KIAA1328: variants seen among roughly 807,000 people sequenced by gnomAD.
The protein encoded by KIAA1328 is protein hinderin.
KIAA1328 carries 52 observed loss-of-function variants against 68.1 expected under a neutral mutation model. That is an observed-to-expected ratio of 0.76 (90% CI 0.61 to 0.96). KIAA1328 has a LOEUF of 0.96. KIAA1328 is among the 40% of genes least tolerant of loss of function. The probability of loss-of-function intolerance (pLI) is 0.00; values close to 1 mark genes in which losing one functional copy is unlikely to be tolerated. For missense variants in KIAA1328, 641 were observed against 677.6 expected, an observed-to-expected ratio of 0.95 and a Z score of 0.60; for synonymous variants, 232 against 239.4, an observed-to-expected ratio of 0.97 and a Z score of 0.28.
chr18:36,893,184 A>T (rs1002167606), intron 5 of KIAA1328, among the ~76,000 whole-genome samples: 2 of 152,150 alleles, frequency 1.3e-5, no homozygotes, highest in African/African-American at 2.4e-5. Context: ...TCATCCAGGA[A>T]TTAAGAATAA....
chr18:36,948,256 C>CTTTTTTTTTTTTTTTT (rs1568200306), intron 5 of KIAA1328, among the ~76,000 whole-genome samples: 1 of 128,440 alleles, frequency 7.8e-6, no homozygotes, highest in Non-Finnish European at 1.7e-5. Context: ...GTTTGTTTGT[C>CTTTTTTTTTTTTTTTT]TTTTGTTTTT....
At chr18:37,100,515 C>T (rs370068747) in intron 7 of KIAA1328, among the ~76,000 whole-genome samples, 4 of 152,212 alleles carry the variant, frequency 2.6e-5, no homozygotes, top group East Asian at 1.9e-4. Context: ...GTAAACAAAG[C>T]GGCCAGGAGG....
At chr18:36,894,186 T>A (rs1025071710) in intron 5 of KIAA1328, among the ~76,000 whole-genome samples, 2 of 152,176 alleles carry the variant, frequency 1.3e-5, no homozygotes, top group Non-Finnish European at 2.9e-5. Flanking sequence ...ACGATACAAA[T>A]ATCAATAAGC....
At chr18:37,152,868 C>T (rs990729113) in intron 7 of KIAA1328, among the ~76,000 whole-genome samples, 15 of 152,140 alleles carry the variant, frequency 9.9e-5, no homozygotes, top group African/African-American at 3.1e-4. Flanking sequence ...CCTGAAAAAT[C>T]GAGTTGCAGA....
Position 37,222,860 on chromosome 18 carries a change from C to G in KIAA1328, c.*633C>G. 1.0e-6 allele frequency: 1 copy of G among 987,912 alleles called. No homozygotes were observed. Among genetic ancestry groups the G allele is most frequent in the Non-Finnish European group, 1.2e-6 (1 of 831,824 alleles). The allele number at this position is 987,912 out of a possible 1,614,324, so 61.2% of individuals were successfully genotyped here. ...AGCTCAATGGGCTGGAGGGTGAGAC[C>G]CAGCCAATCCTTGGGAGCAAGCAGC... On this transcript the variant is annotated 3_prime_UTR_variant, in exon 10 of 10. Transcript: ENST00000280020.
At chr18:37,093,150 C>T (rs887728461) in intron 7 of KIAA1328, among the ~76,000 whole-genome samples, 1 of 152,142 alleles carries the variant, frequency 6.6e-6, no homozygotes, top group African/African-American at 2.4e-5. Context: ...AGAAAAAACC[C>T]TTTTCTTATA....
At chr18:37,192,949 T>G (rs2059934014) in intron 9 of KIAA1328, among the ~76,000 whole-genome samples, 1 of 152,200 alleles carries the variant, frequency 6.6e-6, no homozygotes, top group African/African-American at 2.4e-5. Context: ...AAGAAATTCT[T>G]CTTAAATAAT....
chr18:37,030,844 C>A (rs370986443), intron 6 of KIAA1328, among the ~76,000 whole-genome samples: 1 of 152,086 alleles, frequency 6.6e-6, no homozygotes, highest in East Asian at 1.9e-4. Flanking sequence ...GCCCCCACCC[C>A]CCGACAGGCC....
At chr18:36,867,559 C>A (rs2047796621) in intron 4 of KIAA1328, among the ~76,000 whole-genome samples, 1 of 152,180 alleles carries the variant, frequency 6.6e-6, no homozygotes, top group Admixed American at 6.6e-5. Context: ...ACTATAACTT[C>A]TTTTTAATGG....
intron 7 of KIAA1328, among the ~76,000 whole-genome samples, chr18:37,092,328 C>T (rs1219789787): frequency 2.6e-5 from 4 of 152,060 alleles, no homozygotes; most frequent in Non-Finnish European, 2.9e-5. Context: ...CATCTACCAC[C>T]GTTGCCAGAG....
chr18:36,983,910 T>C (rs1186601334), intron 6 of KIAA1328, among the ~76,000 whole-genome samples: 1 of 152,142 alleles, frequency 6.6e-6, no homozygotes, highest in Non-Finnish European at 1.5e-5. Flanking sequence ...TATTTCCTTA[T>C]TTAGTGCCAT....
chr18:36,858,893 C>CTTACACTTAAATCTCTGATCCA (rs1332116101), intron 4 of KIAA1328, among the ~76,000 whole-genome samples: 2 of 152,172 alleles, frequency 1.3e-5, no homozygotes, highest in Non-Finnish European at 2.9e-5. Context: ...GTTGCCTTTT[C>CTTACACTTAAATCTCTGATCCA]TTACACTTAA....
chr18:37,228,751 C>T (rs1327535815), downstream of KIAA1328, among the ~76,000 whole-genome samples: 1 of 151,062 alleles, frequency 6.6e-6, no homozygotes, highest in Non-Finnish European at 1.5e-5. Flanking sequence ...ACCTGGGAGG[C>T]GGAGGTGGCA....
At chr18:36,965,502 A>C (rs1293813951) in intron 6 of KIAA1328, among the ~76,000 whole-genome samples, 1 of 54,516 alleles carries the variant, frequency 1.8e-5, no homozygotes, top group African/African-American at 7.3e-5. Flanking sequence ...ACACACACAA[A>C]ATTAGCCAGG....
intron 5 of KIAA1328, among the ~76,000 whole-genome samples, chr18:36,937,490 A>G (rs1336580378): frequency 1.3e-5 from 2 of 152,206 alleles, no homozygotes; most frequent in African/African-American, 4.8e-5. Context: ...CAGAATTTAC[A>G]AGGAACTTAA....
chr18:37,019,026 C>CT (rs1300363329), intron 6 of KIAA1328, among the ~76,000 whole-genome samples: 1 of 152,190 alleles, frequency 6.6e-6, no homozygotes, highest in Admixed American at 6.5e-5. Context: ...AATTCATGCT[C>CT]TGATTCCTTC....
intron 9 of KIAA1328, among the ~76,000 whole-genome samples, chr18:37,220,621 T>C (rs749337097): frequency 1.3e-5 from 2 of 152,252 alleles, no homozygotes; most frequent in Non-Finnish European, 2.9e-5. Flanking sequence ...GCATTTATAC[T>C]TAATGCTAGC....
chr18:37,224,575 C>A lies in KIAA1328; in HGVS notation c.*2348C>A. 1.0e-6 allele frequency: 1 copy of A among 967,926 alleles called. No individual in the cohort carries two copies. The highest frequency in any genetic ancestry group is 1.2e-6 in the Non-Finnish European group (1 of 814,032). 60.0% of individuals were successfully genotyped at this position (967,926 alleles called of 1,614,324 possible). ...TTATTAATTGAATAGTACATGTTAA[C>A]ATTTTAATCTATTTAAATTTACTTT... On this transcript the variant is annotated 3_prime_UTR_variant, in exon 10 of 10. Transcript: ENST00000280020.
rs567214378 is a variant in KIAA1328 at position 36,979,915 on chromosome 18, G to C, written c.576+20480G>C. ...TTAATCCCCAGTGCAACATTATTGA[G>C]AGGTGGAGCTTAATGGGAGGTATTA... is the stretch of plus-strand genomic sequence containing the variant. On this transcript the variant is annotated intron_variant, in intron 6 of 9. Transcript: ENST00000280020. Among the ~76,000 whole-genome samples the C allele has an allele frequency of 6.4e-4, 97 of 152,290 alleles. 2 individuals are homozygous for C. The South Asian group carries it at 0.019, about 31-fold the overall frequency.
Sources: allele counts gnomAD v4.1 joint callset (sites outside exome capture counted in the v4.1 genomes callset), GRCh38; gene constraint gnomAD v4.1.1; transcripts MANE v1.5; gene names NCBI Gene and HGNC (gene_info 2026-07-23, HGNC 2026-07-21).